The following POU2F1 variants were observed in gnomAD, a reference collection of about 807,000 sequenced individuals.
POU2F1 encodes the protein POU class 2 homeobox 1.
A neutral mutation model predicts 84.9 loss-of-function variants in POU2F1; 16 were observed. The observed-to-expected ratio is 0.19, with a 90% CI of 0.13 to 0.29. The LOEUF is 0.29. POU2F1 is among the 10% of genes least tolerant of loss of function. The pLI is 1.00. For synonymous variants in POU2F1, 368 were observed against 368.3 expected (o/e 1.00, Z 0.01); for missense variants, 738 against 942.6 (o/e 0.78, Z 2.84).
At chr1:167,369,748 A>C (rs1015098789) in intron 3 of POU2F1, among the ~76,000 whole-genome samples, 29 of 152,202 alleles carry the variant, frequency 1.9e-4, no homozygotes, top group Non-Finnish European at 8.8e-5. Flanking sequence ...TAAAATAAGT[A>C]GATGGTTCTG....
intron 1 of POU2F1, among the ~76,000 whole-genome samples, chr1:167,265,777 T>G (rs1651903771): frequency 6.6e-6 from 1 of 152,080 alleles, no homozygotes; most frequent in African/African-American, 2.4e-5. Context: ...ATCTAGTGAT[T>G]AGAGGCCAGT....
At chr1:167,237,456 A>ATC (rs2102358869) in intron 1 of POU2F1, among the ~76,000 whole-genome samples, 1 of 152,118 alleles carries the variant, frequency 6.6e-6, no homozygotes, top group South Asian at 2.1e-4. Context: ...GGCCATTTTT[A>ATC]TCAAGTAATT....
At chr1:167,388,686 C>T (rs548930587) in intron 8 of POU2F1, among the ~76,000 whole-genome samples, 1 of 152,220 alleles carries the variant, frequency 6.6e-6, no homozygotes, top group East Asian at 1.9e-4. Flanking sequence ...TGCTATATAT[C>T]CAGACAACTA....
chr1:167,275,293 T>C (rs972359369), intron 1 of POU2F1, among the ~76,000 whole-genome samples: 4 of 152,088 alleles, frequency 2.6e-5, no homozygotes, highest in African/African-American at 9.7e-5. Context: ...CCCAAAGTGT[T>C]GGGATTACAG....
intron 7 of POU2F1, among the ~76,000 whole-genome samples, chr1:167,378,433 T>A (rs1660478083): frequency 1.4e-5 from 2 of 147,676 alleles, no homozygotes; most frequent in Non-Finnish European, 3.0e-5. Context: ...TGAGACATAG[T>A]TTCACTCTTG....
chr1:167,259,157 G>T (rs936101683), intron 1 of POU2F1, among the ~76,000 whole-genome samples: 2 of 152,192 alleles, frequency 1.3e-5, no homozygotes, highest in Non-Finnish European at 2.9e-5. Context: ...GTTTTATCCC[G>T]AAGGAGGCTG....
chr1:167,387,407 G>A (rs767317504), intron 8 of POU2F1, among the ~76,000 whole-genome samples: 44 of 152,218 alleles, frequency 2.9e-4, no homozygotes, highest in Non-Finnish European at 4.8e-4. Context: ...GTTGGTGCTC[G>A]TTTTGGCTCC....
At chr1:167,360,861 T>G (rs1369674986) in intron 2 of POU2F1, among the ~76,000 whole-genome samples, 2 of 152,202 alleles carry the variant, frequency 1.3e-5, no homozygotes, top group Non-Finnish European at 2.9e-5. Context: ...GTGTCGTCTG[T>G]GATTTCTTTT....
chr1:167,391,085 A>G (rs1648364381), intron 9 of POU2F1, among the ~76,000 whole-genome samples: 1 of 152,062 alleles, frequency 6.6e-6, no homozygotes, highest in Non-Finnish European at 1.5e-5. Context: ...CCACTGACTT[A>G]CTCTTTGATT....
chr1:167,327,398 C>T (rs1446078368), intron 1 of POU2F1, among the ~76,000 whole-genome samples: 1 of 152,182 alleles, frequency 6.6e-6, no homozygotes, highest in Non-Finnish European at 1.5e-5. Flanking sequence ...CCCCCAAAGT[C>T]TCTCCTCATA....
rs1386783072 is a variant in POU2F1, at chr1:167,401,621, A to G, written c.1555+65A>G. The G allele has an allele frequency of 5.8e-6, 6 of 1,029,516 alleles. No individual in the cohort carries two copies. In the Admixed American group the frequency reaches 1.9e-4, roughly 32 times the overall value. 63.8% of individuals were successfully genotyped at this position (1,029,516 alleles called of 1,614,324 possible). Reference sequence around the variant, plus strand: ...GAGGCCCGTTTTGGGTTATTATAAGAGTCTACCATTAAATTGTGAATTAAG... The same window carrying G: ...GAGGCCCGTTTTGGGTTATTATAAGGGTCTACCATTAAATTGTGAATTAAG... On this transcript the variant is annotated intron_variant, in intron 13 of 15. Transcript: ENST00000367866.
Position 167,423,994 on chromosome 1 carries a change from C to T in POU2F1, c.*8184C>T, listed in dbSNP as rs1650801196. ...TAGAGAAAAGACTTTGTGCTCCCACCCAGCCTTAATGAGTCTCATGGTCTA... is the reference window on the plus strand; with the variant it reads ...TAGAGAAAAGACTTTGTGCTCCCACTCAGCCTTAATGAGTCTCATGGTCTA... On this transcript the variant is annotated 3_prime_UTR_variant, in exon 16 of 16. Transcript: ENST00000367866. The T allele has an allele frequency of 6.6e-6, 1 of 152,158 alleles. No homozygotes were observed. Among genetic ancestry groups the T allele is most frequent in the African/African-American group, 2.4e-5 (1 of 41,436 alleles). 9.4% of individuals were successfully genotyped at this position (152,158 alleles called of 1,614,324 possible).
intron 1 of POU2F1, among the ~76,000 whole-genome samples, chr1:167,247,646 A>G (rs989230293): frequency 1.1e-4 from 16 of 152,184 alleles, no homozygotes; most frequent in African/African-American, 3.9e-4. Flanking sequence ...ATGATCCAGT[A>G]TACATACTAT....
At chr1:167,279,665 C>T (rs1277081599) in intron 1 of POU2F1, among the ~76,000 whole-genome samples, 2 of 152,028 alleles carry the variant, frequency 1.3e-5, no homozygotes, top group African/African-American at 4.8e-5. Flanking sequence ...TTGCGGTGAG[C>T]TGAGATTGCA....
chr1:167,285,485 G>T (rs1364431462), intron 1 of POU2F1, among the ~76,000 whole-genome samples: 1 of 152,102 alleles, frequency 6.6e-6, no homozygotes, highest in Admixed American at 6.5e-5. Flanking sequence ...CCAGCTACTT[G>T]GGAGGCTGAA....
intron 2 of POU2F1, among the ~76,000 whole-genome samples, chr1:167,356,968 A>G (rs997402058): frequency 3.9e-5 from 6 of 152,176 alleles, no homozygotes; most frequent in Non-Finnish European, 7.4e-5. Context: ...CCAGAAGGTC[A>G]TATTCCGCCA....
At chr1:167,346,482 T>A (rs1658211798) in intron 2 of POU2F1, among the ~76,000 whole-genome samples, 1 of 152,188 alleles carries the variant, frequency 6.6e-6, no homozygotes, top group Non-Finnish European at 1.5e-5. Context: ...CCCCAGTGAC[T>A]GGTTTCATGG....
rs1017436049 is a variant in POU2F1, at chr1:167,417,897, G to A, written c.*2087G>A. The A allele has an allele frequency of 1.3e-5, 2 of 152,124 alleles. No homozygotes were observed. The highest frequency in any genetic ancestry group is 4.8e-5 in the African/African-American group (2 of 41,420). The allele number at this position is 152,124 out of a possible 1,614,324, so 9.4% of individuals were successfully genotyped here. A position where few individuals can be genotyped will look rare whatever the true frequency, so the allele number is the denominator to read the frequency against. ...AGTCCCCTTTAAAATATTTCTTTTAGTTTATTTCTATCGTGTTTTATTTCA... is the reference window on the plus strand; with the variant it reads ...AGTCCCCTTTAAAATATTTCTTTTAATTTATTTCTATCGTGTTTTATTTCA... On this transcript the variant is annotated 3_prime_UTR_variant, in exon 16 of 16. Coordinates refer to ENST00000367866, the MANE Select transcript of POU2F1 (RefSeq NM_002697.4).
chr1:167,409,924 G>A (rs1649838839), intron 13 of POU2F1, among the ~76,000 whole-genome samples: 1 of 152,140 alleles, frequency 6.6e-6, no homozygotes, highest in South Asian at 2.1e-4. Flanking sequence ...TAGCATGGAA[G>A]AGAAATAAAA....
Sources: allele counts gnomAD v4.1 joint callset (sites outside exome capture counted in the v4.1 genomes callset), GRCh38; gene constraint gnomAD v4.1.1; transcripts MANE v1.5; gene names NCBI Gene and HGNC (gene_info 2026-07-23, HGNC 2026-07-21).